Variants in CNRIP1 observed in about 807,000 individuals in gnomAD.
The protein encoded by CNRIP1 is cannabinoid receptor interacting protein 1.
CNRIP1 carries 10 observed loss-of-function variants against 15.2 expected under a neutral mutation model. The ratio of observed to expected loss-of-function variants is 0.66; its 90% CI spans 0.41 to 1.12. The LOEUF (loss-of-function observed/expected upper bound fraction) is 1.12. Among genes scored for constraint, CNRIP1 ranks in the 50% most tolerant of loss-of-function variants. CNRIP1 has a pLI of 0.00. For missense variants in CNRIP1, 211 were observed against 214.7 expected (o/e 0.98, Z 0.11); for synonymous variants, 91 against 83.2 (o/e 1.09, Z -0.51).
rs1017358398 is a variant in CNRIP1, at chr2:68,319,136, T to G, written c.179+86A>C. On this transcript the variant is annotated intron_variant, in intron 1 of 2. Transcript: ENST00000263655. ...GGAGCGGCGCGAGGCCAGAGGCCCTTGAGAGGCTCGGGCTGTCCTGGGGGC... is the reference window on the plus strand; with the variant it reads ...GGAGCGGCGCGAGGCCAGAGGCCCTGGAGAGGCTCGGGCTGTCCTGGGGGC... 5.1e-6 allele frequency: 7 copies of G among 1,364,188 alleles called. No homozygotes were observed. The African/African-American group carries it at 9.0e-5, about 18-fold the overall frequency. The allele number at this position is 1,364,188 out of a possible 1,614,324, so 84.5% of individuals were successfully genotyped here.
rs61586261 is a variant in CNRIP1, at chr2:68,306,124, CAA to C, written c.330+11031_330+11032del. Among the ~76,000 whole-genome samples, 47 of 25,336 alleles carry C rather than the reference CAA, an allele frequency of 1.9e-3. No homozygotes were observed. In the East Asian group the frequency reaches 0.038, roughly 21 times the overall value. 16.6% of individuals were successfully genotyped at this position (25,336 alleles called of 152,430 possible). On this transcript the variant is annotated intron_variant, in intron 2 of 2. Coordinates refer to ENST00000263655, the MANE Select transcript of CNRIP1 (RefSeq NM_015463.3). ...CTGGGCAGCAGAGACCCCACCTCTA[CAA>C]AAAAAAAAAAAAAAAAAAAAAAAAA... is the stretch of plus-strand genomic sequence containing the variant.
chr2:68,312,679 G>A (rs917797058), intron 2 of CNRIP1, among the ~76,000 whole-genome samples: 1 of 152,080 alleles, frequency 6.6e-6, no homozygotes, highest in African/African-American at 2.4e-5. Context: ...CAGATGACAT[G>A]ATAGCATATT....
At position 68,293,872 on chromosome 2, in the gene CNRIP1, G is replaced by T; in HGVS notation, c.485C>A (p.Ser162Tyr). 1.9e-6 allele frequency: 3 copies of T among 1,613,408 alleles called. No homozygotes were observed. The highest frequency in any genetic ancestry group is 2.5e-6 in the Non-Finnish European group (3 of 1,179,488). ...CAGAAAGAGCCACTTTCAGAGGAAG[G>T]ACTCCTTGTTCACCCACATCAGACT... is the stretch of plus-strand genomic sequence containing the variant. ...TRSLMWVNKE[S>Y]FL Residue 162 changes from serine to tyrosine, a missense_variant, in exon 3 of 3, where the codon TCC becomes TAC. Physicochemically the swap from Ser to Tyr is moderately radical, Grantham distance 144. Coordinates refer to ENST00000263655, the MANE Select transcript of CNRIP1 (RefSeq NM_015463.3).
chr2:68,312,293 C>G (rs115528289), intron 2 of CNRIP1, among the ~76,000 whole-genome samples: 10 of 151,544 alleles, frequency 6.6e-5, no homozygotes, highest in East Asian at 3.9e-4. Context: ...GGTATTTAAC[C>G]TGGGAATTCA....
rs751624899 is a variant in CNRIP1 at position 68,319,438 on chromosome 2, G to A, written c.-38C>T. ...GTCTGGCGCGGCGGCTCCGGGGGGC[G>A]GAGGACAGCGCCGGCTGCGGCCGAG... On this transcript the variant is annotated 5_prime_UTR_variant, in exon 1 of 3. Transcript: ENST00000263655. 8 of 1,482,332 alleles carry A rather than the reference G, an allele frequency of 5.4e-6. No homozygotes were observed. In the African/African-American group the frequency reaches 5.7e-5, roughly 10 times the overall value. 91.8% of individuals were successfully genotyped at this position (1,482,332 alleles called of 1,614,324 possible).
chr2:68,304,073 TAAAAA>T (rs1433897003), intron 2 of CNRIP1, among the ~76,000 whole-genome samples: 2 of 140,918 alleles, frequency 1.4e-5, no homozygotes, highest in African/African-American at 2.6e-5. Flanking sequence ...CAAGACTGTC[TAAAAA>T]CAAACAAAAA....
At chr2:68,310,478 AG>A (rs1672033388) in intron 2 of CNRIP1, among the ~76,000 whole-genome samples, 2 of 152,234 alleles carry the variant, frequency 1.3e-5, no homozygotes, top group Admixed American at 6.5e-5. Context: ...AGGCTAGAAA[AG>A]CAGCAACTGG....
intron 2 of CNRIP1, among the ~76,000 whole-genome samples, chr2:68,298,944 C>T (rs1160305813): frequency 5.3e-5 from 8 of 152,178 alleles, no homozygotes; most frequent in Admixed American, 5.2e-4. Context: ...CAGGCAGGCT[C>T]CTGGGTGGTA....
At chr2:68,290,320 G>A (rs375216902), downstream of CNRIP1, among the ~76,000 whole-genome samples, 6 of 152,098 alleles carry the variant, frequency 3.9e-5, no homozygotes, top group East Asian at 1.9e-4. Context: ...GAGCCACTGC[G>A]CTTGGTGGAG....
intron 2 of CNRIP1, among the ~76,000 whole-genome samples, chr2:68,287,738 A>G (rs912481525): frequency 1.3e-5 from 2 of 152,256 alleles, no homozygotes; most frequent in Admixed American, 1.3e-4. Flanking sequence ...CTACCAGCAC[A>G]TGGCCTTAGC....
chr2:68,301,152 G>C (rs899151776), intron 2 of CNRIP1, among the ~76,000 whole-genome samples: 2 of 152,064 alleles, frequency 1.3e-5, no homozygotes, highest in African/African-American at 4.8e-5. Flanking sequence ...ATTTTTATTT[G>C]CTTGAAGTAT....
At chr2:68,290,164 G>T (rs1476734739), downstream of CNRIP1, among the ~76,000 whole-genome samples, 2 of 151,934 alleles carry the variant, frequency 1.3e-5, no homozygotes, top group East Asian at 1.9e-4. Flanking sequence ...AAGTAGCTGG[G>T]ATTACAGGCG....
At chr2:68,315,593 G>A (rs1290491010) in intron 2 of CNRIP1, among the ~76,000 whole-genome samples, 1 of 71,118 alleles carries the variant, frequency 1.4e-5, no homozygotes, top group Admixed American at 1.4e-4. Context: ...ACTTTAAAAT[G>A]ACATTCCATA....
At position 68,293,498 on chromosome 2, in the gene CNRIP1, A is replaced by C; in HGVS notation, c.*364T>G. 3.0e-6 allele frequency: 3 copies of C among 1,003,928 alleles called. No homozygotes were observed. Among genetic ancestry groups the C allele is most frequent in the South Asian group, 4.5e-5 (1 of 22,226 alleles). The allele number at this position is 1,003,928 out of a possible 1,614,324, so 62.2% of individuals were successfully genotyped here. Reference sequence around the variant, plus strand: ...TAACATTGAACAAAAAAAAGGAGGAATCACTTAACTTGGAAACAAAACACC... The same window carrying C: ...TAACATTGAACAAAAAAAAGGAGGACTCACTTAACTTGGAAACAAAACACC... On this transcript the variant is annotated 3_prime_UTR_variant, in exon 3 of 3. Coordinates refer to ENST00000263655, the MANE Select transcript of CNRIP1 (RefSeq NM_015463.3).
downstream of CNRIP1, among the ~76,000 whole-genome samples, chr2:68,288,335 G>A (rs1372699553): frequency 3.9e-5 from 6 of 152,124 alleles, no homozygotes; most frequent in Admixed American, 3.9e-4. Context: ...ACTTGAAGGC[G>A]TTTGCAAGGT....
chr2:68,308,914 AAC>A (rs1671970010), intron 2 of CNRIP1, among the ~76,000 whole-genome samples: 1 of 152,176 alleles, frequency 6.6e-6, no homozygotes, highest in South Asian at 2.1e-4. Context: ...GAATTCAGAA[AAC>A]AGTCCGAAAA....
intron 2 of CNRIP1, among the ~76,000 whole-genome samples, chr2:68,302,132 T>C (rs1671634757): frequency 6.6e-6 from 1 of 152,178 alleles, no homozygotes; most frequent in Admixed American, 6.6e-5. Flanking sequence ...GCCACTTGTA[T>C]TTCTTTTATA....
chr2:68,305,856 C>T (rs902695934), intron 2 of CNRIP1, among the ~76,000 whole-genome samples: 6 of 149,562 alleles, frequency 4.0e-5, no homozygotes, highest in East Asian at 2.0e-4. Flanking sequence ...AGGCTGGGCA[C>T]GGTAGCTCAT....
intron 2 of CNRIP1, among the ~76,000 whole-genome samples, chr2:68,312,902 T>C (rs1672143746): frequency 6.6e-6 from 1 of 152,012 alleles, no homozygotes; most frequent in African/African-American, 2.4e-5. Flanking sequence ...GTGGAGAAAA[T>C]TAAAGATGAC....
Sources: gnomAD v4.1 joint callset for allele counts (sites outside exome capture counted in the v4.1 genomes callset) on GRCh38, gnomAD v4.1.1 for gene constraint, MANE v1.5 for transcripts, NCBI Gene and HGNC (gene_info 2026-07-23, HGNC 2026-07-21) for gene names.